EBF2: variants seen among roughly 807,000 people sequenced by gnomAD.
The protein encoded by EBF2 is transcription factor COE2.
Under a neutral mutation model 72.8 loss-of-function variants are expected in EBF2, and 21 were observed. The observed-to-expected ratio is 0.29, with a 90% confidence interval of 0.20 to 0.42. The LOEUF (loss-of-function observed/expected upper bound fraction) is 0.42, where lower values mean the gene tolerates loss of function less well. EBF2 is among the 10% of genes least tolerant of loss of function. EBF2 has a pLI of 1.00. For missense variants in EBF2, 637 were observed against 731.2 expected, an observed-to-expected ratio of 0.87 and a Z score of 1.49; for synonymous variants, 299 against 274.2, an observed-to-expected ratio of 1.09 and a Z score of -0.89.
intron 6 of EBF2, among the ~76,000 whole-genome samples, chr8:25,953,629 C>G (rs1803897860): frequency 6.6e-6 from 1 of 152,148 alleles, no homozygotes; most frequent in Non-Finnish European, 1.5e-5. Flanking sequence ...CTCTGTGTCA[C>G]CATCAGAGAC....
At chr8:26,007,320 C>A (rs1471559027) in intron 6 of EBF2, among the ~76,000 whole-genome samples, 1 of 152,136 alleles carries the variant, frequency 6.6e-6, no homozygotes, top group Non-Finnish European at 1.5e-5. Context: ...CTGAACACCC[C>A]CTGTGGCCTC....
At chr8:25,953,719 G>A (rs1355507602) in intron 6 of EBF2, among the ~76,000 whole-genome samples, 1 of 152,166 alleles carries the variant, frequency 6.6e-6, no homozygotes, top group Non-Finnish European at 1.5e-5. Context: ...AGGCTGTGGA[G>A]ACTCCTTCTG....
intron 6 of EBF2, among the ~76,000 whole-genome samples, chr8:25,963,154 G>A (rs1225290189): frequency 4.6e-5 from 7 of 152,198 alleles, no homozygotes; most frequent in African/African-American, 1.7e-4. Flanking sequence ...AGATATGGAA[G>A]CAACACAGTG....
chr8:25,959,541 A>G (rs898451772), intron 6 of EBF2, among the ~76,000 whole-genome samples: 31 of 152,348 alleles, frequency 2.0e-4, no homozygotes, highest in African/African-American at 7.2e-4. Flanking sequence ...ATTGTGGTGT[A>G]AAAATGTAAC....
intron 6 of EBF2, among the ~76,000 whole-genome samples, chr8:26,027,734 T>C (rs1805322820): frequency 6.6e-6 from 1 of 152,048 alleles, no homozygotes; most frequent in African/African-American, 2.4e-5. Flanking sequence ...CAGACGAATA[T>C]ACAAACAAAA....
chr8:25,886,999 T>TCTAA, intron 9 of EBF2, 118 bp from the exon 10 acceptor site: 1 of 1,126,792 alleles, frequency 8.9e-7, no homozygotes, highest in Non-Finnish European at 1.2e-6. Context: ...TCTGCTCTAC[T>TCTAA]CTAACTGGAG....
At chr8:25,859,714 G>C (rs919975487) in intron 13 of EBF2, among the ~76,000 whole-genome samples, 13 of 148,804 alleles carry the variant, frequency 8.7e-5, no homozygotes, top group African/African-American at 3.3e-4. Flanking sequence ...AATATGTCCT[G>C]TCTAGTCTTT....
At chr8:25,858,778 G>A (rs1802151161) in intron 13 of EBF2, among the ~76,000 whole-genome samples, 1 of 147,426 alleles carries the variant, frequency 6.8e-6, no homozygotes, top group African/African-American at 2.5e-5. Context: ...TTCTGCCTCA[G>A]CCTCCTGAGT....
intron 6 of EBF2, among the ~76,000 whole-genome samples, chr8:25,997,558 C>A (rs1265224677): frequency 7.2e-6 from 1 of 138,670 alleles, no homozygotes. Flanking sequence ...GGCAACAGAA[C>A]CAGATCCTAT....
chr8:26,044,723 CG>C lies in EBF2; in HGVS notation c.131+5del, dbSNP rs774054856. 8 of 1,613,762 alleles carry C rather than the reference CG, an allele frequency of 5.0e-6. No homozygotes were observed. In the South Asian group the frequency reaches 8.8e-5, roughly 18 times the overall value. On this transcript the variant is annotated splice_donor_5th_base_variant and intron_variant, in intron 1 of 15. Transcript: ENST00000520164. The surrounding 1 kb of genome is among the most constrained non-coding windows in gnomAD (Gnocchi z 4.1). The stretch of plus-strand genomic sequence containing the variant: ...CAGCATAATAATTGCGCGGCCGTGT[CG>C]TTACCTCTGCGCGGCGACATTAGCG...
At chr8:25,992,106 C>T (rs950245649) in intron 6 of EBF2, among the ~76,000 whole-genome samples, 2 of 151,800 alleles carry the variant, frequency 1.3e-5, no homozygotes, top group Non-Finnish European at 2.9e-5. Context: ...TTTAGGCTCA[C>T]TGCAACCTCC....
chr8:25,899,174 C>T (rs1008366237), intron 7 of EBF2, among the ~76,000 whole-genome samples: 2 of 151,916 alleles, frequency 1.3e-5, no homozygotes, highest in African/African-American at 4.8e-5. Flanking sequence ...CCTGAAGTCA[C>T]TCCAGAGAGC....
At chr8:26,003,568 G>A (rs1031425642) in intron 6 of EBF2, among the ~76,000 whole-genome samples, 2 of 152,070 alleles carry the variant, frequency 1.3e-5, no homozygotes, top group African/African-American at 4.8e-5. Context: ...TGGTGGGGTG[G>A]GGGCTCCTCT....
chr8:26,009,029 T>G lies in EBF2; in HGVS notation c.551+24056A>C, dbSNP rs1052514028. ...TGAAGTGTTTCCTGCCTACATATCCTCAGAAGTCCCAGGAGCTTTTGTGGA... is the reference window on the plus strand; with the variant it reads ...TGAAGTGTTTCCTGCCTACATATCCGCAGAAGTCCCAGGAGCTTTTGTGGA... On this transcript the variant is annotated intron_variant, in intron 6 of 15. Coordinates refer to ENST00000520164, the MANE Select transcript of EBF2 (RefSeq NM_022659.4). Among the ~76,000 whole-genome samples, 5 of 140,294 alleles carry G rather than the reference T, an allele frequency of 3.6e-5. No individual in the cohort carries two copies. The East Asian group carries it at 1.1e-3, about 32-fold the overall frequency. The allele number at this position is 140,294 out of a possible 152,430, so 92.0% of individuals were successfully genotyped here.
chr8:25,868,411 A>G (rs948642462), intron 10 of EBF2, among the ~76,000 whole-genome samples: 1 of 152,196 alleles, frequency 6.6e-6, no homozygotes, highest in African/African-American at 2.4e-5. Context: ...TTGTCTTCCC[A>G]CATTCTCATT....
chr8:26,040,202 T>C, intron 4 of EBF2, 101 bp from the exon 5 acceptor site: 1 of 1,250,722 alleles, frequency 8.0e-7, no homozygotes, highest in East Asian at 2.4e-5. Flanking sequence ...TCCCTCCCAC[T>C]ACCTGCCACC....
At chr8:25,995,442 CA>C (rs1295649747) in intron 6 of EBF2, among the ~76,000 whole-genome samples, 1 of 151,940 alleles carries the variant, frequency 6.6e-6, no homozygotes, top group Non-Finnish European at 1.5e-5. Context: ...GATCCATGAG[CA>C]AAAATATCTG....
At chr8:25,931,851 T>C (rs1474121672) in intron 6 of EBF2, among the ~76,000 whole-genome samples, 2 of 152,210 alleles carry the variant, frequency 1.3e-5, no homozygotes, top group Non-Finnish European at 2.9e-5. Flanking sequence ...TCCCATCAAT[T>C]AGGCAACACA....
intron 6 of EBF2, among the ~76,000 whole-genome samples, chr8:25,947,954 C>A (rs1194373281): frequency 1.3e-5 from 2 of 152,212 alleles, no homozygotes; most frequent in African/African-American, 4.8e-5. Flanking sequence ...GAGCAGAAGA[C>A]AATGACACAC....
Sources: allele counts gnomAD v4.1 joint callset (sites outside exome capture counted in the v4.1 genomes callset), GRCh38; gene constraint gnomAD v4.1.1; non-coding constraint Gnocchi (gnomAD v3.1); transcripts MANE v1.5; gene names NCBI Gene and HGNC (gene_info 2026-07-23, HGNC 2026-07-21).